Variants in PRKN observed in about 807,000 individuals in gnomAD.
PRKN encodes the protein parkin RBR E3 ubiquitin protein ligase.
In PRKN, 56 loss-of-function variants were observed where a neutral mutation model predicts 59.5. The observed-to-expected ratio is 0.94, with a 90% CI of 0.76 to 1.18. The LOEUF is 1.18. Ranked by LOEUF, PRKN falls within the 50% of genes most tolerant of loss-of-function variation. The pLI, the probability that PRKN is intolerant of heterozygous loss-of-function variation, is 0.00. For missense variants in PRKN, 657 were observed against 596.4 expected (o/e 1.10, Z -1.06); for synonymous variants, 250 against 222.1 (o/e 1.13, Z -1.12).
intron 2 of PRKN, among the ~76,000 whole-genome samples, chr6:162,418,081 G>A (rs941466720): frequency 2.0e-5 from 3 of 152,096 alleles, no homozygotes; most frequent in Non-Finnish European, 4.4e-5. Context: ...CATCATTCAC[G>A]ATACTCAACA....
chr6:162,009,454 C>T (rs1408769787), intron 5 of PRKN, among the ~76,000 whole-genome samples: 1 of 151,858 alleles, frequency 6.6e-6, no homozygotes, highest in African/African-American at 2.4e-5. Context: ...AACAAACCCA[C>T]AAACCACAAC....
At chr6:162,227,944 A>C (rs1445777323) in intron 3 of PRKN, among the ~76,000 whole-genome samples, 1 of 152,220 alleles carries the variant, frequency 6.6e-6, no homozygotes, top group Admixed American at 6.5e-5. Flanking sequence ...AAAAAAAAAA[A>C]AAAAACTTAA....
chr6:161,570,137 AAAAAAAAAAATAT>A (rs1439018532), intron 7 of PRKN, among the ~76,000 whole-genome samples: 2 of 136,252 alleles, frequency 1.5e-5, no homozygotes, highest in African/African-American at 5.8e-5. Flanking sequence ...AAAAAAAAAA[AAAAAAAAAAATAT>A]ATATATATAT....
chr6:161,954,596 T>G (rs1465858760), intron 6 of PRKN, among the ~76,000 whole-genome samples: 2 of 152,244 alleles, frequency 1.3e-5, no homozygotes, highest in Non-Finnish European at 2.9e-5. Context: ...ATTGTTTTAT[T>G]AAGGAACTGC....
At chr6:162,341,677 T>C (rs1784185793) in intron 2 of PRKN, among the ~76,000 whole-genome samples, 1 of 151,908 alleles carries the variant, frequency 6.6e-6, no homozygotes, top group Admixed American at 6.6e-5. Context: ...AAACACTGCA[T>C]GTTCCCACTC....
intron 9 of PRKN, among the ~76,000 whole-genome samples, chr6:161,522,350 G>A (rs999489199): frequency 3.3e-5 from 5 of 152,132 alleles, no homozygotes; most frequent in African/African-American, 7.2e-5. Flanking sequence ...CAAGCGAGGC[G>A]ATGGATCAGT....
chr6:162,664,876 CTTTAG>C (rs1310568645), intron 1 of PRKN, among the ~76,000 whole-genome samples: 1 of 152,058 alleles, frequency 6.6e-6, no homozygotes, highest in Non-Finnish European at 1.5e-5. Flanking sequence ...TGCAGAAGCT[CTTTAG>C]TTTAATTAGA....
intron 6 of PRKN, among the ~76,000 whole-genome samples, chr6:161,936,423 A>ATGG (rs1309409475): frequency 1.3e-5 from 2 of 151,912 alleles, no homozygotes; most frequent in African/African-American, 4.8e-5. Flanking sequence ...GTTAGCCAGG[A>ATGG]TGGTCTCCAT....
intron 6 of PRKN, among the ~76,000 whole-genome samples, chr6:161,918,842 G>GAGAACA (rs1562390338): frequency 6.6e-5 from 10 of 152,118 alleles, no homozygotes; most frequent in African/African-American, 2.2e-4. Flanking sequence ...ATTAGAGAAC[G>GAGAACA]TCTATAATGA....
At chr6:161,878,004 C>A (rs533510190) in intron 6 of PRKN, among the ~76,000 whole-genome samples, 1 of 152,000 alleles carries the variant, frequency 6.6e-6, no homozygotes, top group South Asian at 2.1e-4. Flanking sequence ...ATGGCCGACA[C>A]TTGGAGGTGT....
chr6:161,501,322 G>T (rs1777955620), intron 9 of PRKN, among the ~76,000 whole-genome samples: 1 of 152,110 alleles, frequency 6.6e-6, no homozygotes. Flanking sequence ...CATTTTAGTA[G>T]GTGTGTAGAG....
At chr6:162,165,875 C>G (rs1782954576) in intron 4 of PRKN, among the ~76,000 whole-genome samples, 1 of 151,584 alleles carries the variant, frequency 6.6e-6, no homozygotes, top group African/African-American at 2.4e-5. Context: ...ATGGTGAAAC[C>G]CCTTCTCTAC....
chr6:162,614,141 A>ATAG (rs1236134219), intron 1 of PRKN, among the ~76,000 whole-genome samples: 1 of 152,138 alleles, frequency 6.6e-6, no homozygotes, highest in African/African-American at 2.4e-5. Context: ...GTCTTCTCCT[A>ATAG]TAGTAATATT....
intron 3 of PRKN, among the ~76,000 whole-genome samples, chr6:162,205,449 T>G (rs1424724576): frequency 6.6e-6 from 1 of 150,692 alleles, no homozygotes; most frequent in Non-Finnish European, 1.5e-5. Flanking sequence ...TAATGGAAAC[T>G]TTTCATTAAC....
At chr6:162,084,993 G>A (rs1227961654) in intron 4 of PRKN, among the ~76,000 whole-genome samples, 2 of 151,488 alleles carry the variant, frequency 1.3e-5, no homozygotes, top group African/African-American at 4.9e-5. Flanking sequence ...AAAGTGACAT[G>A]TTATTCCATT....
chr6:161,905,952 C>T (rs1193917305), intron 6 of PRKN, among the ~76,000 whole-genome samples: 1 of 140,542 alleles, frequency 7.1e-6, no homozygotes, highest in Non-Finnish European at 1.5e-5. Flanking sequence ...AAAAAAAGGA[C>T]ATTTTCAGGT....
At chr6:162,193,040 AC>A (rs1486267676) in intron 4 of PRKN, among the ~76,000 whole-genome samples, 2 of 152,140 alleles carry the variant, frequency 1.3e-5, no homozygotes, top group African/African-American at 2.4e-5. Context: ...TACCAAACAA[AC>A]AAAAAACAGT....
chr6:161,905,577 G>C (rs1184940675), intron 6 of PRKN, among the ~76,000 whole-genome samples: 1 of 152,058 alleles, frequency 6.6e-6, no homozygotes, highest in Admixed American at 6.6e-5. Flanking sequence ...TTCCTTTTCA[G>C]ATCCGCTTCC....
chr6:162,262,239 G>C (rs1779918418), intron 3 of PRKN, among the ~76,000 whole-genome samples: 1 of 152,108 alleles, frequency 6.6e-6, no homozygotes, highest in African/African-American at 2.4e-5. Flanking sequence ...GGCTCGATTA[G>C]CTTTAGAGTT....
Sources: gnomAD v4.1 joint callset for allele counts (sites outside exome capture counted in the v4.1 genomes callset) on GRCh38, gnomAD v4.1.1 for gene constraint, MANE v1.5 for transcripts, NCBI Gene and HGNC (gene_info 2026-07-23, HGNC 2026-07-21) for gene names.